Variants in PHACTR4 observed in about 807,000 individuals in gnomAD.
The protein encoded by PHACTR4 is phosphatase and actin regulator 4.
A neutral mutation model predicts 72.7 loss-of-function variants in PHACTR4; 51 were observed. The observed-to-expected ratio is 0.70, with a 90% CI of 0.56 to 0.89. PHACTR4 has a LOEUF of 0.89. Ranked by LOEUF, PHACTR4 falls within the 40% of genes least tolerant of loss-of-function variation. The pLI, the probability that PHACTR4 is intolerant of heterozygous loss-of-function variation, is 0.00. For missense variants in PHACTR4, 731 were observed against 861.8 expected (o/e 0.85, Z 1.90); for synonymous variants, 255 against 302.5 (o/e 0.84, Z 1.63).
chr1:28,490,400 C>T (rs1178898699), intron 10 of PHACTR4, among the ~76,000 whole-genome samples: 4 of 151,716 alleles, frequency 2.6e-5, no homozygotes, highest in African/African-American at 4.8e-5. Flanking sequence ...GGCATGGTGG[C>T]GGGCGCCTGT....
At chr1:28,464,379 CAG>C (rs529680715) in intron 4 of PHACTR4, among the ~76,000 whole-genome samples, 15 of 152,204 alleles carry the variant, frequency 9.9e-5, no homozygotes, top group Non-Finnish European at 2.2e-4. Flanking sequence ...TTCTTCCAAA[CAG>C]ACTGTCTTTA....
rs1659194198 is a variant in PHACTR4, at chr1:28,466,698, T to C, written c.753T>C (p.His251=). Residue 251 remains histidine, a synonymous_variant, in exon 6 of 14, where the codon CAT becomes CAC. Coordinates refer to ENST00000373839, the MANE Select transcript of PHACTR4 (RefSeq NM_001048183.3). ...TNTTATPSLT[H]MVPAKQPPIP... ...CTACTGCTACCCCAAGCCTCACTCA[T>C]ATGGTCCCTGCCAAGCAGCCCCCTA... 2 of 1,614,032 alleles carry C rather than the reference T, an allele frequency of 1.2e-6. No individual in the cohort carries two copies. The highest frequency in any genetic ancestry group is 8.5e-7 in the Non-Finnish European group (1 of 1,180,014).
chr1:28,441,722 C>T (rs1217678452), intron 2 of PHACTR4, among the ~76,000 whole-genome samples: 3 of 152,142 alleles, frequency 2.0e-5, no homozygotes, highest in African/African-American at 7.2e-5. Flanking sequence ...GGGCAGAGTG[C>T]ATTGGTTCGT....
At chr1:28,450,974 C>CTTTTGTTTTTTTT (rs1657914783) in intron 2 of PHACTR4, among the ~76,000 whole-genome samples, 1 of 72,076 alleles carries the variant, frequency 1.4e-5, no homozygotes, top group Non-Finnish European at 2.7e-5. Flanking sequence ...CCACACCCAG[C>CTTTTGTTTTTTTT]TTTTTTTTTT....
intron 1 of PHACTR4, among the ~76,000 whole-genome samples, chr1:28,371,772 A>T (rs927229111): frequency 1.5e-4 from 23 of 151,838 alleles, no homozygotes; most frequent in Non-Finnish European, 2.5e-4. Flanking sequence ...AAAATTTTTA[A>T]AAAAATTTTT....
At chr1:28,400,663 T>TCTGC (rs1653876661) in intron 1 of PHACTR4, among the ~76,000 whole-genome samples, 1 of 151,906 alleles carries the variant, frequency 6.6e-6, no homozygotes, top group Admixed American at 6.6e-5. Context: ...TAGTGCAACC[T>TCTGC]CTGCCTCCCA....
intron 6 of PHACTR4, among the ~76,000 whole-genome samples, chr1:28,469,964 G>GGA (rs1349409039): frequency 6.6e-6 from 1 of 151,966 alleles, no homozygotes; most frequent in African/African-American, 2.4e-5. Flanking sequence ...GGCTGAGGCA[G>GGA]GAGAGAATCA....
intron 1 of PHACTR4, among the ~76,000 whole-genome samples, chr1:28,379,585 TTTC>T (rs1178446705): frequency 6.9e-6 from 1 of 145,042 alleles, no homozygotes; most frequent in Non-Finnish European, 1.5e-5. Context: ...TGGCCTATAA[TTTC>T]TTTTCTTTTT....
At chr1:28,433,221 C>G (rs895627384) in intron 2 of PHACTR4, among the ~76,000 whole-genome samples, 2 of 152,042 alleles carry the variant, frequency 1.3e-5, no homozygotes, top group Non-Finnish European at 2.9e-5. Flanking sequence ...GTGATTCTTC[C>G]TTTTACATTT....
At chr1:28,491,598 G>A (rs1661040372) in intron 11 of PHACTR4, 52 bp from the exon 12 acceptor site, 2 of 1,612,942 alleles carry the variant, frequency 1.2e-6, no homozygotes, top group African/African-American at 1.3e-5. Flanking sequence ...TTGAATGCAT[G>A]ATTGATGCCT....
chr1:28,447,491 G>T (rs1363571056), intron 2 of PHACTR4, among the ~76,000 whole-genome samples: 1 of 151,592 alleles, frequency 6.6e-6, no homozygotes, highest in Admixed American at 6.6e-5. Flanking sequence ...CTGGATTCAG[G>T]TGATTCTCCT....
At chr1:28,398,555 A>G (rs1325547781) in intron 1 of PHACTR4, among the ~76,000 whole-genome samples, 1 of 151,974 alleles carries the variant, frequency 6.6e-6, no homozygotes, top group Non-Finnish European at 1.5e-5. Flanking sequence ...ACGGTGGCTC[A>G]TGCCTGTAAT....
intron 1 of PHACTR4, among the ~76,000 whole-genome samples, chr1:28,373,831 G>A (rs1269505127): frequency 1.3e-5 from 2 of 152,132 alleles, no homozygotes; most frequent in African/African-American, 4.8e-5. Flanking sequence ...ATAAAGCCTA[G>A]CCTCTAAAAT....
At chr1:28,491,089 C>T in intron 11 of PHACTR4, 77 bp downstream of exon 11, 1 of 1,429,788 alleles carries the variant, frequency 7.0e-7, no homozygotes, top group Non-Finnish European at 9.8e-7. Flanking sequence ...GAATTCACAG[C>T]TGGGCACAGT....
intron 2 of PHACTR4, among the ~76,000 whole-genome samples, chr1:28,426,252 A>G (rs1655836953): frequency 6.6e-6 from 1 of 152,094 alleles, no homozygotes; most frequent in South Asian, 2.1e-4. Flanking sequence ...AAATAGTCCA[A>G]TAGTTTGAAA....
At chr1:28,488,039 A>T (rs1252329036) in intron 9 of PHACTR4, among the ~76,000 whole-genome samples, 1 of 152,010 alleles carries the variant, frequency 6.6e-6, no homozygotes, top group Non-Finnish European at 1.5e-5. Flanking sequence ...CACCTGGCCA[A>T]CAAATTGTTA....
At chr1:28,422,585 G>A (rs1449173681) in intron 2 of PHACTR4, 1 of 152,092 alleles carries the variant, frequency 6.6e-6, no homozygotes, top group Non-Finnish European at 1.5e-5. Context: ...CAGTGGGAGG[G>A]GAGAAGGAAC....
intron 7 of PHACTR4, 73 bp from the exon 8 acceptor site, chr1:28,476,025 GTCTTTATTT>G: frequency 1.5e-6 from 2 of 1,366,360 alleles, no homozygotes; most frequent in Non-Finnish European, 2.0e-6. Context: ...ACCACGCCCA[GTCTTTATTT>G]CAGTCCTTTG....
At chr1:28,476,533 T>G (rs1329137546) in intron 8 of PHACTR4, among the ~76,000 whole-genome samples, 1 of 151,188 alleles carries the variant, frequency 6.6e-6, no homozygotes, top group Non-Finnish European at 1.5e-5. Context: ...TTTTGTTTTT[T>G]TTTGTTTTAA....
Sources: gnomAD v4.1 joint callset for allele counts (sites outside exome capture counted in the v4.1 genomes callset) on GRCh38, gnomAD v4.1.1 for gene constraint, MANE v1.5 for transcripts, NCBI Gene and HGNC (gene_info 2026-07-23, HGNC 2026-07-21) for gene names.